Variants in CCDC144A observed in about 807,000 individuals in gnomAD.
The protein encoded by CCDC144A is coiled-coil domain containing 144A.
In CCDC144A, 41 loss-of-function variants were observed where a neutral mutation model predicts 143.8. The observed-to-expected ratio is 0.29, with a 90% confidence interval of 0.22 to 0.37. The LOEUF is 0.37. CCDC144A is among the 10% of genes least tolerant of loss of function. CCDC144A has a pLI of 1.00. For synonymous variants in CCDC144A, 242 were observed against 517.9 expected (o/e 0.47, Z 7.23); for missense variants, 637 against 1,488.8 (o/e 0.43, Z 9.41).
At chr17:16,762,156 G>A (rs1915403774) in intron 13 of CCDC144A, among the ~76,000 whole-genome samples, 157 bp from the exon 14 acceptor site, 1 of 152,224 alleles carries the variant, frequency 6.6e-6, no homozygotes. Context: ...TTAAGCTTGA[G>A]CTTCTTTCTT....
At chr17:16,675,647 A>G in the CCDC144A span, among the ~76,000 whole-genome samples, 1 of 152,126 alleles carries the variant, frequency 6.6e-6, no homozygotes, top group Non-Finnish European at 1.5e-5. Context: ...TTATTCGAAA[A>G]TATTTACTGA....
intron 4 of CCDC144A, among the ~76,000 whole-genome samples, chr17:16,708,394 T>C (rs1255513352): frequency 6.6e-6 from 1 of 152,186 alleles, no homozygotes; most frequent in Admixed American, 6.5e-5. Flanking sequence ...TGTAGTAATA[T>C]GTAGTACTTA....
At chr17:16,729,991 T>TATATATATATATATATATACACACAC (rs1491438660) in intron 9 of CCDC144A, among the ~76,000 whole-genome samples, 263 of 114,300 alleles carry the variant, frequency 2.3e-3, no homozygotes, top group Non-Finnish European at 3.4e-3. Context: ...TATATATATA[T>TATATATATATATATATATACACACAC]ACACACATAC....
chr17:16,753,456 T>G (rs1914916148), intron 12 of CCDC144A, among the ~76,000 whole-genome samples: 1 of 139,688 alleles, frequency 7.2e-6, no homozygotes, highest in South Asian at 2.2e-4. Flanking sequence ...TTTTTTTTTT[T>G]GTAAAGCTCT....
At chr17:16,739,964 A>G (rs1335985677) in intron 12 of CCDC144A, among the ~76,000 whole-genome samples, 1 of 150,972 alleles carries the variant, frequency 6.6e-6, no homozygotes, top group Non-Finnish European at 1.5e-5. Context: ...GCTTACGAAG[A>G]CAGATCCCAT....
chr17:16,692,183 A>T (rs373948041), intron 1 of CCDC144A, among the ~76,000 whole-genome samples: 5 of 152,050 alleles, frequency 3.3e-5, no homozygotes, highest in Non-Finnish European at 5.9e-5. Flanking sequence ...GGAGATGAAC[A>T]TGGGGATTGA....
In CCDC144A at chr17:16,709,332, A is replaced by G; in HGVS notation, c.1275A>G (p.Ala425=). The change falls in exon 5 of 17, where the codon GCA becomes GCG. Residue 425 remains alanine, a synonymous_variant. Coordinates refer to ENST00000399273, the MANE Select transcript of CCDC144A (RefSeq NM_001382000.1). The part of the protein sequence containing the change: ...FSTDKNFHND[A]STKKARNPEV... ...CAGATAAGAACTTTCATAATGATGC[A>G]AGCACTAAGAAAGCAAGGAACCCAG... is the stretch of plus-strand genomic sequence containing the variant. The G allele has an allele frequency of 2.5e-6, 4 of 1,611,626 alleles. No individual in the cohort carries two copies. The highest frequency in any genetic ancestry group is 3.4e-6 in the Non-Finnish European group (4 of 1,179,572).
chr17:16,725,190 C>G (rs1913346744), intron 8 of CCDC144A, among the ~76,000 whole-genome samples: 1 of 150,394 alleles, frequency 6.6e-6, no homozygotes, highest in African/African-American at 2.4e-5. Flanking sequence ...AGGTTCTTGC[C>G]TTTTTATCCA....
At chr17:16,767,827 C>T (rs1175062605) in intron 15 of CCDC144A, among the ~76,000 whole-genome samples, 1 of 152,258 alleles carries the variant, frequency 6.6e-6, no homozygotes, top group East Asian at 1.9e-4. Context: ...TGACAGTTAG[C>T]ATTTATTGCA....
chr17:16,725,670 T>A lies in CCDC144A; in HGVS notation c.1892-1857T>A, dbSNP rs1426795625. ...GAGGGACAAAAGACTACGGATTGGA[T>A]CCAGTGTATGCTGCTTGGGTGATGG... On this transcript the variant is annotated intron_variant, in intron 8 of 16. Coordinates refer to ENST00000399273, the MANE Select transcript of CCDC144A (RefSeq NM_001382000.1). 4.0e-5 allele frequency among the ~76,000 whole-genome samples: 6 copies of A among 149,572 alleles called. No homozygotes were observed. The East Asian group carries it at 1.2e-3, about 30-fold the overall frequency.
chr17:16,734,495 A>T (rs1220221819), intron 11 of CCDC144A, among the ~76,000 whole-genome samples, 195 bp from the exon 12 acceptor site: 1 of 152,174 alleles, frequency 6.6e-6, no homozygotes, highest in Non-Finnish European at 1.5e-5. Flanking sequence ...ACATTCATGG[A>T]TTCATTGTCT....
At chr17:16,746,300 TTTC>T (rs1250433972) in intron 12 of CCDC144A, 15 of 1,181,018 alleles carry the variant, frequency 1.3e-5, no homozygotes, top group Middle Eastern at 2.7e-4. Flanking sequence ...TCTTTCTTCT[TTTC>T]TTCTTTTTTC....
At chr17:16,755,950 C>T (rs1915063996) in intron 12 of CCDC144A, among the ~76,000 whole-genome samples, 1 of 152,144 alleles carries the variant, frequency 6.6e-6, no homozygotes, top group Non-Finnish European at 1.5e-5. Context: ...TATATCATGT[C>T]ATTCTCTCCT....
chr17:16,745,041 A>C lies in CCDC144A; in HGVS notation c.3372+9398A>C, dbSNP rs184106405. On this transcript the variant is annotated intron_variant, in intron 12 of 16. Coordinates refer to ENST00000399273, the MANE Select transcript of CCDC144A (RefSeq NM_001382000.1). ...AGACTGAAACCATTTTTATCTGGTC[A>C]GTGGCAAAACTGTTGAAAGGGCAAT... Among the ~76,000 whole-genome samples, 850 of 152,142 alleles carry C rather than the reference A, an allele frequency of 5.6e-3. 10 individuals are homozygous for C. The highest frequency in any genetic ancestry group is 0.019 in the African/African-American group (806 of 41,446).
chr17:16,769,945 A>G (rs1359886971), intron 15 of CCDC144A, among the ~76,000 whole-genome samples: 2 of 151,474 alleles, frequency 1.3e-5, no homozygotes, highest in Non-Finnish European at 2.9e-5. Context: ...CTCCTGCCTC[A>G]GCCTCCTGAG....
intron 9 of CCDC144A, among the ~76,000 whole-genome samples, chr17:16,730,078 A>G (rs960594990): frequency 2.7e-4 from 36 of 131,766 alleles, no homozygotes; most frequent in Non-Finnish European, 5.5e-4. Flanking sequence ...GGCTCAAGTC[A>G]TTCTCCTGCC....
intron 12 of CCDC144A, chr17:16,745,621 G>T: frequency 1.3e-6 from 2 of 1,561,736 alleles, no homozygotes; most frequent in Non-Finnish European, 1.7e-6. Context: ...GGCCAGGTGC[G>T]TGCAGTGACT....
Position 16,773,741 on chromosome 17 carries a change from G to A in CCDC144A, c.*108G>A, listed in dbSNP as rs986232850. ...GAAATATTCTATATTATACATGTCT[G>A]ATGAAAATTTATATAGTATTTTAAA... On this transcript the variant is annotated 3_prime_UTR_variant, in exon 17 of 17. Coordinates refer to ENST00000399273, the MANE Select transcript of CCDC144A (RefSeq NM_001382000.1). The A allele has an allele frequency of 8.0e-7, 1 of 1,257,730 alleles. No individual in the cohort carries two copies. The highest frequency in any genetic ancestry group is 3.3e-5 in the Admixed American group (1 of 30,158). 77.9% of individuals were successfully genotyped at this position (1,257,730 alleles called of 1,614,324 possible). A position where few individuals can be genotyped will look rare whatever the true frequency, so the allele number is the denominator to read the frequency against.
At chr17:16,717,352 C>A (rs2621592) in intron 6 of CCDC144A, among the ~76,000 whole-genome samples, 1 of 152,104 alleles carries the variant, frequency 6.6e-6, no homozygotes, top group Admixed American at 6.5e-5. Context: ...CCTCATGATC[C>A]GCCCGCCTCA....
Sources: gnomAD v4.1 joint callset for allele counts (sites outside exome capture counted in the v4.1 genomes callset) on GRCh38, gnomAD v4.1.1 for gene constraint, MANE v1.5 for transcripts, NCBI Gene and HGNC (gene_info 2026-07-23, HGNC 2026-07-21) for gene names.